The following CDC42SE2 variants were observed in gnomAD, a reference collection of about 807,000 sequenced individuals.
The protein encoded by CDC42SE2 is CDC42 small effector 2.
CDC42SE2 carries 3 observed loss-of-function variants against 11.5 expected under a neutral mutation model. That is an observed-to-expected ratio of 0.26 (90% confidence interval 0.12 to 0.67). CDC42SE2 has a LOEUF of 0.67. CDC42SE2 is among the 30% of genes least tolerant of loss of function. The pLI, the probability that CDC42SE2 is intolerant of heterozygous loss-of-function variation, is 0.80. For synonymous variants in CDC42SE2, 33 were observed against 34.8 expected, an observed-to-expected ratio of 0.95 and a Z score of 0.18; for missense variants, 82 against 106.8, an observed-to-expected ratio of 0.77 and a Z score of 1.02.
At chr5:131,304,327 A>G (rs1237355017) in intron 1 of CDC42SE2, among the ~76,000 whole-genome samples, 1 of 151,906 alleles carries the variant, frequency 6.6e-6, no homozygotes. Context: ...GAAATAATTC[A>G]TTTTTCTCCG....
intron 2 of CDC42SE2, among the ~76,000 whole-genome samples, chr5:131,258,541 C>T (rs1756697089): frequency 6.6e-6 from 1 of 151,920 alleles, no homozygotes; most frequent in Non-Finnish European, 1.5e-5. Context: ...AGGTGAGGGG[C>T]TGCAATGCAA....
chr5:131,310,464 T>C (rs1054111302), intron 1 of CDC42SE2, among the ~76,000 whole-genome samples: 80 of 152,140 alleles, frequency 5.3e-4, no homozygotes, highest in Admixed American at 3.1e-3. Flanking sequence ...CTATTAGGTC[T>C]GCTTGGTGCA....
intron 1 of CDC42SE2, among the ~76,000 whole-genome samples, chr5:131,291,996 C>T (rs1757465953): frequency 6.6e-6 from 1 of 152,032 alleles, no homozygotes; most frequent in South Asian, 2.1e-4. Context: ...GTAATCCCAG[C>T]ACATTGGGAG....
chr5:131,214,390 T>A, the CDC42SE2 span, among the ~76,000 whole-genome samples: 1 of 152,052 alleles, frequency 6.6e-6, no homozygotes, highest in East Asian at 1.9e-4. Context: ...GAAAAAAAAT[T>A]AAAAATATAT....
chr5:131,234,933 G>A, the CDC42SE2 span, among the ~76,000 whole-genome samples: 3 of 143,082 alleles, frequency 2.1e-5, no homozygotes, highest in East Asian at 2.0e-4. Flanking sequence ...TCTGTCGCCC[G>A]GCTATAGTGC....
At chr5:131,339,238 CTCTG>C (rs1298301621) in intron 2 of CDC42SE2, among the ~76,000 whole-genome samples, 1 of 99,298 alleles carries the variant, frequency 1.0e-5, no homozygotes, top group African/African-American at 4.3e-5. Context: ...CAGAGTGAGA[CTCTG>C]TCTGAAAAAA....
At chr5:131,379,244 A>G (rs1750248857) in intron 3 of CDC42SE2, among the ~76,000 whole-genome samples, 1 of 152,148 alleles carries the variant, frequency 6.6e-6, no homozygotes, top group African/African-American at 2.4e-5. Flanking sequence ...TTCACTCTGT[A>G]TCTGCTTCTA....
chr5:131,241,982 CA>C (rs1756544071), upstream of CDC42SE2, among the ~76,000 whole-genome samples: 1 of 152,106 alleles, frequency 6.6e-6, no homozygotes, highest in Non-Finnish European at 1.5e-5. Flanking sequence ...TGCCACTTGA[CA>C]AATGGTAAAA....
chr5:131,261,991 C>T (rs546015935), upstream of CDC42SE2, among the ~76,000 whole-genome samples: 427 of 149,906 alleles, frequency 2.8e-3, 1 homozygote, highest in African/African-American at 5.0e-3. Context: ...TATTCAATCA[C>T]GTAATGTTTT....
intron 2 of CDC42SE2, among the ~76,000 whole-genome samples, chr5:131,341,904 A>T (rs564514608): frequency 6.6e-6 from 1 of 151,996 alleles, no homozygotes; most frequent in Admixed American, 6.6e-5. Context: ...TCAATAAAAA[A>T]AAAAAAAGAT....
chr5:131,215,909 T>C, the CDC42SE2 span, among the ~76,000 whole-genome samples: 7 of 152,226 alleles, frequency 4.6e-5, no homozygotes, highest in Non-Finnish European at 8.8e-5. Context: ...TTATGATGGT[T>C]AATTAAGATA....
chr5:131,336,785 C>T (rs563490273), intron 2 of CDC42SE2, among the ~76,000 whole-genome samples: 99 of 152,330 alleles, frequency 6.5e-4, no homozygotes, highest in Middle Eastern at 3.4e-3. Flanking sequence ...CTTGTGCATT[C>T]GTCACATAGT....
upstream of CDC42SE2, among the ~76,000 whole-genome samples, chr5:131,259,693 A>G (rs1171902772): frequency 6.6e-6 from 1 of 152,278 alleles, no homozygotes; most frequent in Non-Finnish European, 1.5e-5. Flanking sequence ...ACAACTGAGA[A>G]TGAAAGAAGA....
chr5:131,300,804 T>G (rs1757662816), intron 1 of CDC42SE2, among the ~76,000 whole-genome samples: 1 of 151,410 alleles, frequency 6.6e-6, no homozygotes, highest in African/African-American at 2.4e-5. Flanking sequence ...AAAAAAATTA[T>G]GTTTAAAAAT....
At chr5:131,373,076 C>T (rs1039811913) in intron 3 of CDC42SE2, among the ~76,000 whole-genome samples, 6 of 151,972 alleles carry the variant, frequency 3.9e-5, no homozygotes, top group African/African-American at 1.5e-4. Flanking sequence ...GGTCTCTTAC[C>T]AGCAATATTT....
At chr5:131,267,055 A>ATT (rs71000983) in intron 1 of CDC42SE2, among the ~76,000 whole-genome samples, 6 of 113,680 alleles carry the variant, frequency 5.3e-5, no homozygotes, top group African/African-American at 2.0e-4. Context: ...AGAACTCATA[A>ATT]TTTTTTTTTT....
rs112251674 is a variant in CDC42SE2 at position 131,343,191 on chromosome 5, A to G, written c.-285-16018A>G. ...CATAGAAATAGATGGGAGGAAAAAGACAGTATATACAAGTTTGCCTATATT... is the reference window on the plus strand; with the variant it reads ...CATAGAAATAGATGGGAGGAAAAAGGCAGTATATACAAGTTTGCCTATATT... On this transcript the variant is annotated intron_variant, in intron 2 of 4. Coordinates refer to ENST00000505065, the MANE Select transcript of CDC42SE2 (RefSeq NM_001375635.1). 9.0e-3 allele frequency among the ~76,000 whole-genome samples: 1,377 copies of G among 152,204 alleles called. 21 individuals carry two copies. Among genetic ancestry groups the G allele is most frequent in the African/African-American group, 0.032 (1,316 of 41,530 alleles).
intron 1 of CDC42SE2, among the ~76,000 whole-genome samples, chr5:131,254,312 C>T (rs1227003854): frequency 5.3e-4 from 80 of 152,024 alleles, no homozygotes; most frequent in Non-Finnish European, 1.5e-5. Context: ...GAGCCTGACG[C>T]GGGTGGATCA....
chr5:131,314,901 A>G (rs1758007842), intron 1 of CDC42SE2, among the ~76,000 whole-genome samples: 1 of 152,146 alleles, frequency 6.6e-6, no homozygotes, highest in Non-Finnish European at 1.5e-5. Flanking sequence ...AAGGTGTTAA[A>G]TTTATAGGCA....
Sources: allele counts gnomAD v4.1 joint callset (sites outside exome capture counted in the v4.1 genomes callset), GRCh38; gene constraint gnomAD v4.1.1; transcripts MANE v1.5; gene names NCBI Gene and HGNC (gene_info 2026-07-23, HGNC 2026-07-21).